DNAJC9: variants seen among roughly 807,000 people sequenced by gnomAD.
DNAJC9 encodes the protein DnaJ heat shock protein family (Hsp40) member C9.
DNAJC9 carries 18 observed loss-of-function variants against 32.4 expected under a neutral mutation model. The ratio of observed to expected loss-of-function variants is 0.56; its 90% CI spans 0.38 to 0.82. The LOEUF is 0.82. Ranked by LOEUF, DNAJC9 falls within the 40% of genes least tolerant of loss-of-function variation. The pLI is 0.00. For synonymous variants in DNAJC9, 113 were observed against 122.1 expected, an observed-to-expected ratio of 0.93 and a Z score of 0.49; for missense variants, 310 against 321.8, an observed-to-expected ratio of 0.96 and a Z score of 0.28.
chr10:73,233,069 A>G (rs1472298122), intron 2 of DNAJC9: 2 of 1,551,622 alleles, frequency 1.3e-6, no homozygotes, highest in Non-Finnish European at 1.7e-6. Context: ...CAGGAGACGC[A>G]ATCCACCACC....
rs1175541970 is a variant in DNAJC9 at position 73,242,083 on chromosome 10, T to G, written c.*1317A>C. The G allele has an allele frequency of 6.6e-6, 1 of 152,228 alleles. No individual in the cohort carries two copies. The highest frequency in any genetic ancestry group is 1.5e-5 in the Non-Finnish European group (1 of 68,042). The allele number at this position is 152,228 out of a possible 1,614,324, so 9.4% of individuals were successfully genotyped here. On this transcript the variant is annotated 3_prime_UTR_variant, in exon 5 of 5. Coordinates refer to ENST00000372950, the MANE Select transcript of DNAJC9 (RefSeq NM_015190.5). Reference sequence around the variant, plus strand: ...ATCATAAATTACGGTAACTTTTTATTATACCAAGGTGTTCTAATGCCATCA... The same window carrying G: ...ATCATAAATTACGGTAACTTTTTATGATACCAAGGTGTTCTAATGCCATCA...
chr10:73,247,219 C>A lies in DNAJC9; in HGVS notation c.-30G>T, dbSNP rs749774297. On this transcript the variant is annotated 5_prime_UTR_variant, in exon 1 of 5. Coordinates refer to ENST00000372950, the MANE Select transcript of DNAJC9 (RefSeq NM_015190.5). ...GGCGGAGATACGACCCCGGAGGAAGCAGCCGCTCCCAGCTGCGCCGGGTAC... is the reference window on the plus strand; with the variant it reads ...GGCGGAGATACGACCCCGGAGGAAGAAGCCGCTCCCAGCTGCGCCGGGTAC... The A allele has an allele frequency of 6.4e-7, 1 of 1,569,996 alleles. No homozygotes were observed. The highest frequency in any genetic ancestry group is 2.4e-5 in the East Asian group (1 of 41,792).
At chr10:73,244,716 A>G (rs565636610) in intron 3 of DNAJC9, among the ~76,000 whole-genome samples, 1 of 151,678 alleles carries the variant, frequency 6.6e-6, no homozygotes, top group East Asian at 1.9e-4. Context: ...TTCCTTTGCC[A>G]AGTGTTCCTA....
Position 73,246,179 on chromosome 10 carries a change from G to A in DNAJC9, c.322-3C>T, listed in dbSNP as rs1295915856. 2.5e-6 allele frequency: 4 copies of A among 1,592,412 alleles called. No individual in the cohort carries two copies. The highest frequency in any genetic ancestry group is 2.2e-5 in the East Asian group (1 of 44,752). On this transcript the variant is annotated splice_polypyrimidine_tract_variant and splice_region_variant and intron_variant, in intron 2 of 4. Transcript: ENST00000372950. ...GCTTGAATGTCCTCTAAAGATATCTGATGATAAAGGAGATTTGCTTTAACT... is the reference window on the plus strand; with the variant it reads ...GCTTGAATGTCCTCTAAAGATATCTAATGATAAAGGAGATTTGCTTTAACT...
intron 2 of DNAJC9, among the ~76,000 whole-genome samples, chr10:73,232,406 G>C (rs1381957378): frequency 6.6e-6 from 1 of 152,148 alleles, no homozygotes; most frequent in Non-Finnish European, 1.5e-5. Flanking sequence ...CCCACTCCCA[G>C]CTTTCCAAAG....
At chr10:73,243,972 G>T in intron 3 of DNAJC9, 43 bp from the exon 4 acceptor site, 1 of 1,506,940 alleles carries the variant, frequency 6.6e-7, no homozygotes, top group Middle Eastern at 1.7e-4. Flanking sequence ...ACCAGGAAAT[G>T]CTTAAAATAC....
downstream of DNAJC9, chr10:73,235,214 C>T (rs759859410): frequency 2.7e-5 from 42 of 1,551,582 alleles, 1 homozygote; most frequent in South Asian, 3.1e-4. Flanking sequence ...CGACTCTAGT[C>T]GAGCTCAAAG....
chr10:73,246,459 G>T (rs1261642998), intron 2 of DNAJC9, among the ~76,000 whole-genome samples: 2 of 152,084 alleles, frequency 1.3e-5, no homozygotes, highest in Non-Finnish European at 2.9e-5. Flanking sequence ...GTAAAATAAA[G>T]CGCATCCGGC....
chr10:73,242,427 G>A lies in DNAJC9; in HGVS notation c.*973C>T, dbSNP rs1433366290. The stretch of plus-strand genomic sequence containing the variant: ...CCTTTCAAAGTTAAAGAATCAGAAA[G>A]GGGCCTGTAAGAAGTCATTTAGCCC... On this transcript the variant is annotated 3_prime_UTR_variant, in exon 5 of 5. Transcript: ENST00000372950. 6.6e-6 allele frequency: 1 copy of A among 152,102 alleles called. No homozygotes were observed. Among genetic ancestry groups the A allele is most frequent in the Non-Finnish European group, 1.5e-5 (1 of 68,004 alleles). 9.4% of individuals were successfully genotyped at this position (152,102 alleles called of 1,614,324 possible).
At chr10:73,246,955 A>C (rs2044021208) in intron 1 of DNAJC9, 55 bp downstream of exon 1, 2 of 1,562,564 alleles carry the variant, frequency 1.3e-6, no homozygotes, top group East Asian at 4.5e-5. Flanking sequence ...CGGTAGCCAA[A>C]AGGCTAGGGG....
chr10:73,245,604 C>A (rs560119604), intron 3 of DNAJC9, among the ~76,000 whole-genome samples: 1 of 152,180 alleles, frequency 6.6e-6, no homozygotes, highest in Admixed American at 6.5e-5. Context: ...CCTGTGTACC[C>A]GGGTTCCACT....
At chr10:73,244,041 G>T in intron 3 of DNAJC9, 112 bp from the exon 4 acceptor site, 2 of 819,548 alleles carry the variant, frequency 2.4e-6, no homozygotes. Flanking sequence ...TATATGAATA[G>T]ACAAAATGAA....
At chr10:73,236,250 C>T (rs1051905421), downstream of DNAJC9, among the ~76,000 whole-genome samples, 1 of 152,108 alleles carries the variant, frequency 6.6e-6, no homozygotes, top group African/African-American at 2.4e-5. Context: ...AAATTTTTTC[C>T]TCACAGTTCC....
downstream of DNAJC9, chr10:73,235,236 A>C (rs1443786123): frequency 6.4e-7 from 1 of 1,551,668 alleles, no homozygotes; most frequent in Admixed American, 2.0e-5. Flanking sequence ...GCGGTGGTGG[A>C]TGAACCTAAC....
At chr10:73,239,859 C>T (rs957477297), downstream of DNAJC9, among the ~76,000 whole-genome samples, 4 of 152,166 alleles carry the variant, frequency 2.6e-5, no homozygotes, top group African/African-American at 9.7e-5. Flanking sequence ...CTGATTCTAT[C>T]GCATTAACTC....
chr10:73,241,845 C>A (rs1019784044), downstream of DNAJC9: 1 of 152,186 alleles, frequency 6.6e-6, no homozygotes, highest in Non-Finnish European at 1.5e-5. Flanking sequence ...GTTTAAGAAA[C>A]CCTGGCAATT....
At position 73,242,260 on chromosome 10, in the gene DNAJC9, G is replaced by A; in HGVS notation, c.*1140C>T. Reference sequence around the variant, plus strand: ...CTTTATGCATACGGTATATTTAATAGTCTACAAATCAAAGATTTAAACAGT... The same window carrying A: ...CTTTATGCATACGGTATATTTAATAATCTACAAATCAAAGATTTAAACAGT... On this transcript the variant is annotated 3_prime_UTR_variant, in exon 5 of 5. Transcript: ENST00000372950. The A allele has an allele frequency of 6.6e-6, 1 of 152,070 alleles. No individual in the cohort carries two copies. Among genetic ancestry groups the A allele is most frequent in the East Asian group, 1.9e-4 (1 of 5,198 alleles). The allele number at this position is 152,070 out of a possible 1,614,324, so 9.4% of individuals were successfully genotyped here. A position where few individuals can be genotyped will look rare whatever the true frequency, so the allele number is the denominator to read the frequency against.
rs1269047050 is a variant in DNAJC9 at position 73,242,387 on chromosome 10, G to A, written c.*1013C>T. The A allele has an allele frequency of 6.6e-6, 1 of 151,638 alleles. No individual in the cohort carries two copies. The highest frequency in any genetic ancestry group is 1.5e-5 in the Non-Finnish European group (1 of 67,996). 9.4% of individuals were successfully genotyped at this position (151,638 alleles called of 1,614,324 possible). A position where few individuals can be genotyped will look rare whatever the true frequency, so the allele number is the denominator to read the frequency against. On this transcript the variant is annotated 3_prime_UTR_variant, in exon 5 of 5. Transcript: ENST00000372950. ...TACCATGAGTTCACTATAACAACTG[G>A]ATCAATATGGCTTGCCTTTCAAAGT...
At chr10:73,244,875 G>A (rs911176138) in intron 3 of DNAJC9, among the ~76,000 whole-genome samples, 1 of 152,106 alleles carries the variant, frequency 6.6e-6, no homozygotes, top group African/African-American at 2.4e-5. Flanking sequence ...ATAAGACACC[G>A]TTTCCTTGTA....
Sources: gnomAD v4.1 joint callset for allele counts (sites outside exome capture counted in the v4.1 genomes callset) on GRCh38, gnomAD v4.1.1 for gene constraint, MANE v1.5 for transcripts, NCBI Gene and HGNC (gene_info 2026-07-23, HGNC 2026-07-21) for gene names.